The following HCRTR2 variants were observed in gnomAD, a reference collection of about 807,000 sequenced individuals.
HCRTR2 encodes the protein orexin receptor type 2.
A neutral mutation model predicts 49.0 loss-of-function variants in HCRTR2; 22 were observed. The observed-to-expected ratio is 0.45, with a 90% confidence interval of 0.32 to 0.64. The LOEUF is 0.64. HCRTR2 is among the 30% of genes least tolerant of loss of function. The probability of loss-of-function intolerance (pLI) is 0.04; values close to 1 mark genes in which losing one functional copy is unlikely to be tolerated. For missense variants in HCRTR2, 491 were observed against 559.4 expected (o/e 0.88, Z 1.23); for synonymous variants, 236 against 205.3 (o/e 1.15, Z -1.28).
intron 1 of HCRTR2, among the ~76,000 whole-genome samples, chr6:55,194,545 A>T (rs977455319): frequency 6.6e-6 from 1 of 152,138 alleles, no homozygotes; most frequent in Non-Finnish European, 1.5e-5. Flanking sequence ...TATGTCTGAG[A>T]TGCTGACTAA....
At chr6:55,262,533 A>T (rs1442034759) in intron 3 of HCRTR2, among the ~76,000 whole-genome samples, 3 of 131,458 alleles carry the variant, frequency 2.3e-5, no homozygotes, top group Non-Finnish European at 4.7e-5. Flanking sequence ...TATATAATAT[A>T]TATAATATAA....
At chr6:55,167,193 C>G (rs954558054) in intron 1 of HCRTR2, among the ~76,000 whole-genome samples, 3 of 152,118 alleles carry the variant, frequency 2.0e-5, no homozygotes, top group African/African-American at 7.2e-5. Flanking sequence ...AAAATCTTAT[C>G]AATAACAAAG....
At chr6:55,161,297 C>T (rs1764802054) in intron 1 of HCRTR2, among the ~76,000 whole-genome samples, 1 of 152,066 alleles carries the variant, frequency 6.6e-6, no homozygotes, top group African/African-American at 2.4e-5. Context: ...AGAACAAAGA[C>T]ACAACATACC....
chr6:55,113,477 A>G (rs984669572), intron 1 of HCRTR2, among the ~76,000 whole-genome samples: 5 of 152,214 alleles, frequency 3.3e-5, no homozygotes, highest in South Asian at 2.1e-4. Context: ...AAGGACATGA[A>G]TAGACATTTC....
chr6:55,210,995 A>G (rs1420197477), intron 1 of HCRTR2, among the ~76,000 whole-genome samples: 1 of 152,050 alleles, frequency 6.6e-6, no homozygotes, highest in Non-Finnish European at 1.5e-5. Flanking sequence ...GTACTTTTCT[A>G]TGTTTAGATA....
Position 55,117,691 on chromosome 6 carries a change from C to T in HCRTR2, c.-378+11146C>T, listed in dbSNP as rs183592837. Among the ~76,000 whole-genome samples, 34 of 147,224 alleles carry T rather than the reference C, an allele frequency of 2.3e-4. No homozygotes were observed. The East Asian group carries it at 6.5e-3, about 28-fold the overall frequency. On this transcript the variant is annotated intron_variant, in intron 1 of 7. Coordinates refer to the HCRTR2 transcript ENST00000615358. ...TTATTTTCTGCATACTCTCCATCCA[C>T]AGGATTTCACTTCCTGATTCCACTG... is the stretch of plus-strand genomic sequence containing the variant.
rs181663259 is a variant in HCRTR2, at chr6:55,175,056, G to A, written c.223+246G>A. Reference sequence around the variant, plus strand: ...AACGGGGAAACCGCGTTTCTTTTTCGAGCACCTAGATTACAAGCGCAGGGA... The same window carrying A: ...AACGGGGAAACCGCGTTTCTTTTTCAAGCACCTAGATTACAAGCGCAGGGA... On this transcript the variant is annotated intron_variant, in intron 1 of 6. Coordinates refer to ENST00000370862, the MANE Select transcript of HCRTR2 (RefSeq NM_001384272.1). 2.6e-3 allele frequency among the ~76,000 whole-genome samples: 400 copies of A among 152,090 alleles called. 2 individuals are homozygous for A. The highest frequency in any genetic ancestry group is 9.2e-3 in the African/African-American group (382 of 41,488).
intron 2 of HCRTR2, among the ~76,000 whole-genome samples, chr6:55,249,428 T>C (rs1766507371): frequency 6.6e-6 from 1 of 152,160 alleles, no homozygotes; most frequent in African/African-American, 2.4e-5. Context: ...TTGTATGCTA[T>C]CAAGCCAAAT....
At chr6:55,106,695 T>C (rs1763979801) in intron 1 of HCRTR2, 1 of 152,148 alleles carries the variant, frequency 6.6e-6, no homozygotes, top group Non-Finnish European at 1.5e-5. Flanking sequence ...TTGCCACCAT[T>C]TTTCAACTTT....
intron 1 of HCRTR2, among the ~76,000 whole-genome samples, chr6:55,207,655 A>T (rs1373209284): frequency 6.6e-6 from 1 of 152,186 alleles, no homozygotes; most frequent in East Asian, 1.9e-4. Flanking sequence ...AACAGGCTGA[A>T]AGAATGATAT....
At chr6:55,187,411 C>CAAAAAAAAAAAAAAAAAA (rs57619664) in intron 1 of HCRTR2, among the ~76,000 whole-genome samples, 2 of 98,426 alleles carry the variant, frequency 2.0e-5, no homozygotes, top group African/African-American at 3.8e-5. Flanking sequence ...GACTCCGTCT[C>CAAAAAAAAAAAAAAAAAA]AAAAAAAAAA....
At chr6:55,266,784 A>T (rs1397044141) in intron 4 of HCRTR2, among the ~76,000 whole-genome samples, 2 of 152,110 alleles carry the variant, frequency 1.3e-5, no homozygotes, top group East Asian at 3.9e-4. Context: ...ATCAGAGAAA[A>T]TGTTTTAAAA....
intron 1 of HCRTR2, among the ~76,000 whole-genome samples, chr6:55,154,236 C>G (rs1764700660): frequency 6.6e-6 from 1 of 151,702 alleles, no homozygotes; most frequent in Non-Finnish European, 1.5e-5. Flanking sequence ...TATACTCTTC[C>G]AAAAAGAAAG....
intron 1 of HCRTR2, among the ~76,000 whole-genome samples, chr6:55,182,484 A>C (rs1765149676): frequency 6.6e-6 from 1 of 152,210 alleles, no homozygotes; most frequent in Non-Finnish European, 1.5e-5. Flanking sequence ...TCCAGCCAGC[A>C]GCCAGAGAGG....
intron 1 of HCRTR2, among the ~76,000 whole-genome samples, chr6:55,193,139 T>A (rs1765349784): frequency 6.6e-6 from 1 of 152,156 alleles, no homozygotes; most frequent in South Asian, 2.1e-4. Context: ...GAAAGTCTAT[T>A]AATTGGCAAG....
intron 2 of HCRTR2, among the ~76,000 whole-genome samples, chr6:55,251,300 T>C (rs1766545364): frequency 6.6e-6 from 1 of 152,150 alleles, no homozygotes; most frequent in East Asian, 1.9e-4. Flanking sequence ...TTTAGATTTA[T>C]GAGTGATATG....
At chr6:55,216,922 T>C (rs1422846259) in intron 1 of HCRTR2, among the ~76,000 whole-genome samples, 1 of 152,212 alleles carries the variant, frequency 6.6e-6, no homozygotes, top group East Asian at 1.9e-4. Flanking sequence ...CTCTGAAGTC[T>C]AGGTGAAGGC....
chr6:55,276,183 G>C (rs1767073638), intron 4 of HCRTR2, among the ~76,000 whole-genome samples: 1 of 152,146 alleles, frequency 6.6e-6, no homozygotes, highest in Non-Finnish European at 1.5e-5. Context: ...TTGTCTACAT[G>C]ACAAGACATA....
In HCRTR2 at chr6:55,239,618, T is replaced by C. The variant is rs150678366; in HGVS notation, c.224-9021T>C. ...TCAACACTACAGAGGCACCATTGGT[T>C]GACAAAAGTGAGAGCTTTTCTCAAC... On this transcript the variant is annotated intron_variant, in intron 1 of 6. Coordinates refer to ENST00000370862, the MANE Select transcript of HCRTR2 (RefSeq NM_001384272.1). 1.2e-3 allele frequency among the ~76,000 whole-genome samples: 176 copies of C among 152,258 alleles called. 1 individual carries two copies. The highest frequency in any genetic ancestry group is 4.1e-3 in the African/African-American group (170 of 41,558).
Sources: allele counts gnomAD v4.1 joint callset (sites outside exome capture counted in the v4.1 genomes callset), GRCh38; gene constraint gnomAD v4.1.1; transcripts MANE v1.5; gene names NCBI Gene and HGNC (gene_info 2026-07-23, HGNC 2026-07-21).